MYO3A: variants seen among roughly 807,000 people sequenced by gnomAD.
MYO3A encodes the protein myosin-IIIa.
Under a neutral mutation model 192.7 loss-of-function variants are expected in MYO3A, and 180 were observed. The observed-to-expected ratio is 0.93, with a 90% CI of 0.83 to 1.06. The LOEUF (loss-of-function observed/expected upper bound fraction) is 1.06, where lower values mean the gene tolerates loss of function less well. Among genes scored for constraint, MYO3A ranks in the 50% least tolerant of loss-of-function variants. MYO3A has a pLI of 0.00. For synonymous variants in MYO3A, 628 were observed against 645.3 expected (o/e 0.97, Z 0.41); for missense variants, 1,896 against 1,905.0 (o/e 1.00, Z 0.09).
chr10:26,039,266 G>A (rs113880569), intron 10 of MYO3A, among the ~76,000 whole-genome samples: 24,096 of 139,028 alleles, frequency 0.17, 2,279 homozygotes, highest in Non-Finnish European at 0.21. Flanking sequence ...CTCCATGTTG[G>A]TCAGGCTAGT....
chr10:26,194,654 T>A (rs1347627443), intron 32 of MYO3A, among the ~76,000 whole-genome samples: 1 of 152,184 alleles, frequency 6.6e-6, no homozygotes, highest in Non-Finnish European at 1.5e-5. Context: ...TCTAGTTCAT[T>A]CCCTTCTGTC....
At chr10:25,940,831 T>C (rs1467617330) in intron 2 of MYO3A, among the ~76,000 whole-genome samples, 2 of 152,240 alleles carry the variant, frequency 1.3e-5, no homozygotes, top group Non-Finnish European at 2.9e-5. Flanking sequence ...TTCTATCTGG[T>C]TGACTTTAAG....
At chr10:26,034,615 C>A (rs1842944645) in intron 10 of MYO3A, among the ~76,000 whole-genome samples, 1 of 152,042 alleles carries the variant, frequency 6.6e-6, no homozygotes, top group African/African-American at 2.4e-5. Flanking sequence ...ATAGCTCCAT[C>A]ATTAAAATAC....
Position 26,134,920 on chromosome 10 carries a change from C to G in MYO3A, c.2262+6382C>G, listed in dbSNP as rs535833950. Reference sequence around the variant, plus strand: ...AAGAGTTCTTTTACTAAAATACAGACTTCAGGGACTATATATGTCTATGTA... The same window carrying G: ...AAGAGTTCTTTTACTAAAATACAGAGTTCAGGGACTATATATGTCTATGTA... On this transcript the variant is annotated intron_variant, in intron 20 of 34. Transcript: ENST00000642920. Among the ~76,000 whole-genome samples, 97 of 152,246 alleles carry G rather than the reference C, an allele frequency of 6.4e-4. 1 individual carries two copies. The highest frequency in any genetic ancestry group is 1.1e-3 in the Non-Finnish European group (77 of 68,008).
chr10:26,029,841 T>G (rs1842727400), intron 10 of MYO3A, among the ~76,000 whole-genome samples: 3 of 152,164 alleles, frequency 2.0e-5, no homozygotes, highest in Non-Finnish European at 1.5e-5. Context: ...GTTCAGAATT[T>G]TAGTTTGCCT....
chr10:25,941,073 A>G (rs904744614), intron 2 of MYO3A, among the ~76,000 whole-genome samples: 7 of 152,368 alleles, frequency 4.6e-5, no homozygotes, highest in South Asian at 4.1e-4. Flanking sequence ...AGTTAATGCC[A>G]TATAGTTCAA....
intron 8 of MYO3A, chr10:26,022,422 A>T (rs17666095): frequency 6.6e-6 from 1 of 152,104 alleles, no homozygotes; most frequent in South Asian, 2.1e-4. Flanking sequence ...CTGTGGTGAC[A>T]GGGTTCCAAA....
intron 4 of MYO3A, among the ~76,000 whole-genome samples, chr10:25,994,659 T>C (rs1297723626): frequency 6.6e-6 from 1 of 152,216 alleles, no homozygotes; most frequent in Admixed American, 6.5e-5. Flanking sequence ...GGTTGTTCCT[T>C]TCCATGTTTA....
chr10:26,053,959 C>T (rs1308416294), intron 10 of MYO3A, among the ~76,000 whole-genome samples: 1 of 152,250 alleles, frequency 6.6e-6, no homozygotes, highest in East Asian at 1.9e-4. Context: ...GTACTTTAGG[C>T]TTGTGGCTCT....
At chr10:26,146,899 G>A (rs1228835200) in intron 22 of MYO3A, among the ~76,000 whole-genome samples, 1 of 152,146 alleles carries the variant, frequency 6.6e-6, no homozygotes, top group Non-Finnish European at 1.5e-5. Flanking sequence ...GATCACTGGA[G>A]CTCAGGAGTT....
At chr10:26,127,195 G>T (rs905157257) in intron 19 of MYO3A, among the ~76,000 whole-genome samples, 1 of 152,018 alleles carries the variant, frequency 6.6e-6, no homozygotes, top group African/African-American at 2.4e-5. Context: ...ATATGCCCAC[G>T]AAAATATTGC....
intron 17 of MYO3A, among the ~76,000 whole-genome samples, chr10:26,112,853 AT>A (rs1838275385): frequency 6.6e-6 from 1 of 152,174 alleles, no homozygotes; most frequent in Non-Finnish European, 1.5e-5. Flanking sequence ...AAAATAAATG[AT>A]TGGTAGTTTG....
chr10:26,055,875 A>G (rs533103737), intron 10 of MYO3A, among the ~76,000 whole-genome samples: 11 of 152,350 alleles, frequency 7.2e-5, no homozygotes, highest in Non-Finnish European at 1.0e-4. Flanking sequence ...TGCCTGTAGC[A>G]TGTTACCAAC....
intron 4 of MYO3A, among the ~76,000 whole-genome samples, chr10:25,958,370 T>C (rs1837700236): frequency 6.6e-6 from 1 of 152,196 alleles, no homozygotes; most frequent in African/African-American, 2.4e-5. Flanking sequence ...TTGGTTGTTT[T>C]TGTCAGCTTT....
At chr10:26,098,034 C>T (rs1837164466) in intron 17 of MYO3A, among the ~76,000 whole-genome samples, 1 of 152,170 alleles carries the variant, frequency 6.6e-6, no homozygotes, top group Non-Finnish European at 1.5e-5. Flanking sequence ...GTCCCACCAA[C>T]AGTGTAAAAG....
At chr10:25,945,023 G>C (rs1472428939) in intron 2 of MYO3A, among the ~76,000 whole-genome samples, 1 of 151,806 alleles carries the variant, frequency 6.6e-6, no homozygotes, top group Non-Finnish European at 1.5e-5. Context: ...TAAGCTTTTA[G>C]AGCAACAAAT....
At chr10:26,010,524 C>T (rs1042684023) in intron 6 of MYO3A, among the ~76,000 whole-genome samples, 11 of 136,498 alleles carry the variant, frequency 8.1e-5, no homozygotes, top group East Asian at 2.2e-4. Flanking sequence ...AGCGCAGAGG[C>T]GCAATTTCGG....
chr10:26,184,000 T>TA (rs1211822220), intron 31 of MYO3A, among the ~76,000 whole-genome samples: 1 of 152,066 alleles, frequency 6.6e-6, no homozygotes, highest in Non-Finnish European at 1.5e-5. Context: ...GTGAGAGGGT[T>TA]AGAGCCCCGG....
Position 26,179,113 on chromosome 10 carries a change from T to TTTTTTTTG in MYO3A, c.4438+2270_4438+2271insTTTTTGTT, listed in dbSNP as rs1386278741. On this transcript the variant is annotated intron_variant, in intron 31 of 34. Transcript: ENST00000642920. ...AATTTTTTTTTTTTTTTTTTTTTTTTTTGAGACGGAGTTTCACTCTTGTTG... is the reference window on the plus strand; with the variant it reads ...AATTTTTTTTTTTTTTTTTTTTTTTTTTTTTTTGTTGAGACGGAGTTTCACTCTTGTTG... Among the ~76,000 whole-genome samples the TTTTTTTTG allele has an allele frequency of 4.2e-5, 6 of 141,932 alleles. 1 individual carries two copies. The highest frequency in any genetic ancestry group is 1.4e-4 in the Admixed American group (2 of 14,316). The allele number at this position is 141,932 out of a possible 152,430, so 93.1% of individuals were successfully genotyped here.
Sources: gnomAD v4.1 joint callset for allele counts (sites outside exome capture counted in the v4.1 genomes callset) on GRCh38, gnomAD v4.1.1 for gene constraint, MANE v1.5 for transcripts, NCBI Gene and HGNC (gene_info 2026-07-23, HGNC 2026-07-21) for gene names.